The following BRD4 variants were observed in gnomAD, a reference collection of about 807,000 sequenced individuals.
The protein encoded by BRD4 is bromodomain-containing protein 4.
Under a neutral mutation model 142.1 loss-of-function variants are expected in BRD4, and 16 were observed. The observed-to-expected ratio is 0.11, with a 90% CI of 0.08 to 0.17. BRD4 has a LOEUF of 0.17. Among genes scored for constraint, BRD4 ranks in the 10% least tolerant of loss-of-function variants. The probability of loss-of-function intolerance (pLI) is 1.00; values close to 1 mark genes in which losing one functional copy is unlikely to be tolerated. For missense variants in BRD4, 1,424 were observed against 1,810.9 expected, an observed-to-expected ratio of 0.79 and a Z score of 3.88; for synonymous variants, 833 against 707.5, an observed-to-expected ratio of 1.18 and a Z score of -2.82.
intron 2 of BRD4, among the ~76,000 whole-genome samples, chr19:15,271,605 A>C (rs1016574620): frequency 3.9e-5 from 6 of 152,018 alleles, no homozygotes; most frequent in Non-Finnish European, 8.8e-5. Flanking sequence ...ACTCTCAACT[A>C]TGGACCCTGT....
intron 6 of BRD4, 144 bp from the exon 7 acceptor site, chr19:15,263,692 C>T (rs1599462556): frequency 9.6e-7 from 1 of 1,039,106 alleles, no homozygotes; most frequent in Non-Finnish European, 1.4e-6. Context: ...GGGGGACAGG[C>T]CATCACCCCA....
Position 15,265,426 on chromosome 19 carries a change from G to C in BRD4, c.777C>G (p.Pro259=), listed in dbSNP as rs1318285070. 6.4e-7 allele frequency: 1 copy of C among 1,565,018 alleles called. No individual in the cohort carries two copies. The highest frequency in any genetic ancestry group is 1.4e-5 in the African/African-American group (1 of 73,854). ...TPPPVPPQPQ[P]PPAPAPQPVQ... ...CGGGCTGGGGAGCTGGAGCGGGTGG[G>C]GGTTGTGGCTGGGGGGGCACTGGCG... is the stretch of plus-strand genomic sequence containing the variant. The change falls in exon 5 of 20, where the codon CCC becomes CCG. Residue 259 remains proline, a synonymous_variant. Transcript: ENST00000679869.
intron 1 of BRD4, among the ~76,000 whole-genome samples, chr19:15,329,515 CG>C (rs1568415354): frequency 6.6e-6 from 1 of 152,024 alleles, no homozygotes; most frequent in African/African-American, 2.4e-5. Context: ...CCGAGGCTGG[CG>C]GATCACGAGA....
chr19:15,331,649 C>G (rs1056389513), intron 1 of BRD4, among the ~76,000 whole-genome samples: 1 of 152,056 alleles, frequency 6.6e-6, no homozygotes, highest in African/African-American at 2.4e-5. Flanking sequence ...CGCAGCACTC[C>G]GGGGACCGCC....
chr19:15,239,936 G>C lies in BRD4; in HGVS notation c.3256C>G (p.Gln1086Glu). The change falls in exon 15 of 20, where the codon CAG (glutamine) becomes GAG (glutamate). Residue 1086 changes from glutamine to glutamate, a missense_variant. Physicochemically the swap from Gln to Glu is conservative, Grantham distance 29. Transcript: ENST00000679869. This position sits in a 1 kb window ranked among gnomAD's most constrained non-coding sequence, Gnocchi z 7.4. ...FQSLTHQSPP[Q>E]QNVQPKKQEL... is the part of the protein sequence containing the mutation. ...TGTTTCTTAGGCTGGACGTTTTGCT[G>C]GGGTGGAGACTGGTGGGTCAGGCTC... The C allele has an allele frequency of 6.2e-7, 1 of 1,614,116 alleles. No individual in the cohort carries two copies. The highest frequency in any genetic ancestry group is 8.5e-7 in the Non-Finnish European group (1 of 1,180,042).
intron 1 of BRD4, among the ~76,000 whole-genome samples, chr19:15,304,229 C>G (rs759488828): frequency 6.6e-6 from 1 of 152,146 alleles, no homozygotes. Context: ...GGATCTCCAG[C>G]CGTCTGTTTG....
At chr19:15,281,292 C>A (rs1275597772) in intron 1 of BRD4, among the ~76,000 whole-genome samples, 3 of 152,234 alleles carry the variant, frequency 2.0e-5, no homozygotes, top group Non-Finnish European at 2.9e-5. Flanking sequence ...CCAGACCCTG[C>A]AACTTGCCTT....
chr19:15,286,944 G>C (rs1246100530), intron 1 of BRD4, among the ~76,000 whole-genome samples: 1 of 152,174 alleles, frequency 6.6e-6, no homozygotes, highest in Non-Finnish European at 1.5e-5. Flanking sequence ...GGCATTTTAG[G>C]AACTCTGCTC....
At chr19:15,263,643 G>A (rs1226948138) in intron 6 of BRD4, 95 bp from the exon 7 acceptor site, 1 of 1,526,958 alleles carries the variant, frequency 6.5e-7, no homozygotes, top group African/African-American at 1.4e-5. Context: ...AGAAGAGCAA[G>A]TTGGTTTCTT....
intron 9 of BRD4, among the ~76,000 whole-genome samples, 185 bp downstream of exon 9, chr19:15,255,879 A>T (rs899349578): frequency 1.3e-5 from 2 of 152,186 alleles, no homozygotes; most frequent in African/African-American, 4.8e-5. Flanking sequence ...ATCCTACAGA[A>T]AGAGGCAGAG....
intron 1 of BRD4, among the ~76,000 whole-genome samples, chr19:15,322,986 C>CT (rs2048076929): frequency 6.6e-6 from 1 of 151,152 alleles, no homozygotes; most frequent in South Asian, 2.1e-4. Context: ...GGAGGTGGAG[C>CT]TTTCAGTGAG....
intron 1 of BRD4, among the ~76,000 whole-genome samples, chr19:15,319,605 C>A (rs1050037594): frequency 3.9e-5 from 6 of 151,918 alleles, no homozygotes; most frequent in South Asian, 2.1e-4. Context: ...CAGAGCAAGA[C>A]CCTGTCTTAA....
At chr19:15,304,928 GA>G (rs2047900808) in intron 1 of BRD4, among the ~76,000 whole-genome samples, 1 of 150,490 alleles carries the variant, frequency 6.6e-6, no homozygotes, top group South Asian at 2.1e-4. Flanking sequence ...ACTTCCAGAA[GA>G]AAATATAAAA....
rs745730200 is a variant in BRD4 at position 15,244,503 on chromosome 19, G to A, written c.2309C>T (p.Pro770Leu). The A allele has an allele frequency of 1.2e-5, 19 of 1,544,348 alleles. No individual in the cohort carries two copies. Among genetic ancestry groups the A allele is most frequent in the African/African-American group, 2.7e-5 (2 of 73,374 alleles). ...GGGTGGCGGCTGCTGTTGCTGCTGC[G>A]GAGGTGGAGGCGGTGGGGGCTGCTG... The part of the protein sequence containing the change: ...PPQQPPPPPP[P>L]QQQQQPPPPP... Residue 770 changes from proline (P) to leucine (L), a missense_variant, in exon 13 of 20, where the codon CCG (proline) becomes CTG (leucine). This residue lies in a region of BRD4 where 598 missense variants were observed against 647.8 expected (regional missense o/e 0.92). Coordinates refer to ENST00000679869, the MANE Select transcript of BRD4 (RefSeq NM_001379291.1).
At chr19:15,310,380 C>CAA (rs1215996476) in intron 1 of BRD4, among the ~76,000 whole-genome samples, 1 of 26,826 alleles carries the variant, frequency 3.7e-5, no homozygotes, top group Non-Finnish European at 7.8e-5. Flanking sequence ...CCCCCCCCCC[C>CAA]GAAGGAGTCT....
At chr19:15,253,754 G>A (rs865894721) in intron 11 of BRD4, 25 of 1,598,232 alleles carry the variant, frequency 1.6e-5, no homozygotes, top group Non-Finnish European at 2.5e-6. Flanking sequence ...GAAGGCCCTG[G>A]GGACACGAAG....
chr19:15,266,148 G>A (rs1051553168), intron 4 of BRD4, among the ~76,000 whole-genome samples: 4 of 152,186 alleles, frequency 2.6e-5, no homozygotes, highest in South Asian at 2.1e-4. Flanking sequence ...TGGCTCGAGC[G>A]CTGCCTCCCA....
At chr19:15,244,921 GGA>G (rs2145518618) in intron 11 of BRD4, 159 bp from the exon 12 acceptor site, 1 of 1,287,320 alleles carries the variant, frequency 7.8e-7, no homozygotes, top group Non-Finnish European at 1.1e-6. Context: ...GGTCATCACG[GGA>G]GAGGGAGAGA....
chr19:15,249,402 T>G, intron 11 of BRD4: 2 of 1,576,250 alleles, frequency 1.3e-6, no homozygotes, highest in African/African-American at 2.7e-5. Flanking sequence ...CCCTGGTGGC[T>G]GATGGGCACA....
Sources: gnomAD v4.1 joint callset for allele counts (sites outside exome capture counted in the v4.1 genomes callset) on GRCh38, gnomAD v4.1.1 for gene constraint, gnomAD v4.1.1 regional missense constraint, Gnocchi (gnomAD v3.1) non-coding constraint, MANE v1.5 for transcripts, NCBI Gene and HGNC (gene_info 2026-07-23, HGNC 2026-07-21) for gene names.